Variants in ZNF554 observed in about 807,000 individuals in gnomAD.
The protein encoded by ZNF554 is zinc finger protein 554.
In ZNF554, 15 loss-of-function variants were observed where a neutral mutation model predicts 21.2. That is an observed-to-expected ratio of 0.71 (90% CI 0.47 to 1.09). The LOEUF is 1.09. Ranked by LOEUF, ZNF554 falls within the 50% of genes least tolerant of loss-of-function variation. The pLI, the probability that ZNF554 is intolerant of heterozygous loss-of-function variation, is 0.00. For missense variants in ZNF554, 691 were observed against 662.7 expected, an observed-to-expected ratio of 1.04 and a Z score of -0.47; for synonymous variants, 258 against 251.4, an observed-to-expected ratio of 1.03 and a Z score of -0.25.
chr19:2,825,333 C>T (rs1455760503), intron 2 of ZNF554, among the ~76,000 whole-genome samples: 3 of 151,968 alleles, frequency 2.0e-5, no homozygotes, highest in Non-Finnish European at 4.4e-5. Flanking sequence ...TTATTTAAGA[C>T]AGAGTTTCGC....
Position 2,834,028 on chromosome 19 carries a change from C to G in ZNF554, c.793C>G (p.Leu265Val). The G allele has an allele frequency of 6.2e-7, 1 of 1,614,124 alleles. No individual in the cohort carries two copies. The highest frequency in any genetic ancestry group is 8.5e-7 in the Non-Finnish European group (1 of 1,180,036). Reference protein sequence around the residue: ...ASDSVLNHHQLGYADRRPCES... With the variant: ...ASDSVLNHHQVGYADRRPCES... ...CGATTCAGTCTTAAACCACCATCAGCTGGGATATGCAGATCGGAGACCTTG... is the reference window on the plus strand; with the variant it reads ...CGATTCAGTCTTAAACCACCATCAGGTGGGATATGCAGATCGGAGACCTTG... Residue 265 changes from leucine (L) to valine (V), a missense_variant, in exon 5 of 5, where the codon CTG becomes GTG. Coordinates refer to ENST00000317243, the MANE Select transcript of ZNF554 (RefSeq NM_001102651.2).
chr19:2,820,488 G>A (rs961684272), intron 1 of ZNF554, among the ~76,000 whole-genome samples: 6 of 152,290 alleles, frequency 3.9e-5, no homozygotes, highest in African/African-American at 1.4e-4. Flanking sequence ...AGGGGACACC[G>A]GGCGATGTCT....
At chr19:2,829,342 G>C (rs1478994819) in intron 3 of ZNF554, among the ~76,000 whole-genome samples, 1 of 143,774 alleles carries the variant, frequency 7.0e-6, no homozygotes, top group Admixed American at 6.9e-5. Flanking sequence ...CTGGGCGACA[G>C]AGCGAGACTC....
At chr19:2,825,359 G>A (rs2087318075) in intron 2 of ZNF554, among the ~76,000 whole-genome samples, 3 of 152,046 alleles carry the variant, frequency 2.0e-5, no homozygotes, top group Non-Finnish European at 4.4e-5. Context: ...TGCCCAAGCT[G>A]AAGTGCAGTG....
intron 3 of ZNF554, among the ~76,000 whole-genome samples, chr19:2,829,420 G>C (rs573768935): frequency 6.6e-6 from 1 of 151,674 alleles, no homozygotes. Flanking sequence ...AGGCCAAGGC[G>C]GGGTAGATCA....
At position 2,820,289 on chromosome 19, in the gene ZNF554, G is replaced by GT. The variant is rs566469659; in HGVS notation, c.53+165_53+166insT. 2.7e-3 allele frequency among the ~76,000 whole-genome samples: 409 copies of GT among 152,350 alleles called. 2 individuals carry two copies. The highest frequency in any genetic ancestry group is 9.7e-3 in the South Asian group (47 of 4,832). On this transcript the variant is annotated intron_variant, in intron 1 of 4. Coordinates refer to ENST00000317243, the MANE Select transcript of ZNF554 (RefSeq NM_001102651.2). ...GCTCGCCCAGGGCCCCAACGCCCAGGATGGCACGGTCTGCCCTTGCCCTGT... is the reference window on the plus strand; with the variant it reads ...GCTCGCCCAGGGCCCCAACGCCCAGGTATGGCACGGTCTGCCCTTGCCCTGT...
rs1050311429 is a variant in ZNF554, at chr19:2,835,695, T to G, written c.*843T>G. 1 of 152,268 alleles carries G rather than the reference T, an allele frequency of 6.6e-6. No homozygotes were observed. The highest frequency in any genetic ancestry group is 1.5e-5 in the Non-Finnish European group (1 of 68,056). 9.4% of individuals were successfully genotyped at this position (152,268 alleles called of 1,614,324 possible). The stretch of plus-strand genomic sequence containing the variant: ...GGAAAAGATTGGTGGACGGGAATGC[T>G]GTCATGGATGGGATCTTGCCAAGAA... On this transcript the variant is annotated 3_prime_UTR_variant, in exon 5 of 5. Coordinates refer to ENST00000317243, the MANE Select transcript of ZNF554 (RefSeq NM_001102651.2).
chr19:2,822,720 TACAAAAA>T (rs2087279358), intron 1 of ZNF554, among the ~76,000 whole-genome samples: 1 of 151,814 alleles, frequency 6.6e-6, no homozygotes, highest in South Asian at 2.1e-4. Context: ...CTACAGAAAA[TACAAAAA>T]ATTAGCCGGA....
chr19:2,820,682 TCC>T, intron 1 of ZNF554, among the ~76,000 whole-genome samples: 2 of 138,562 alleles, frequency 1.4e-5, no homozygotes, highest in African/African-American at 5.9e-5. Context: ...ACAGCAAGGG[TCC>T]TTTTTTTTTT....
At chr19:2,832,762 C>T (rs979824713) in intron 4 of ZNF554, among the ~76,000 whole-genome samples, 1 of 152,170 alleles carries the variant, frequency 6.6e-6, no homozygotes, top group Non-Finnish European at 1.5e-5. Context: ...GGCTGGAGTG[C>T]AGTGGCATGG....
Position 2,834,956 on chromosome 19 carries a change from G to A in ZNF554, c.*104G>A. 1 of 1,067,810 alleles carries A rather than the reference G, an allele frequency of 9.4e-7. No individual in the cohort carries two copies. 66.1% of individuals were successfully genotyped at this position (1,067,810 alleles called of 1,614,324 possible). A position where few individuals can be genotyped will look rare whatever the true frequency, so the allele number is the denominator to read the frequency against. The stretch of plus-strand genomic sequence containing the variant: ...ATAATTTGAAAAGAAGTGGGTTTAT[G>A]TCACCTTCTCACCTTCTTATAAGAA... On this transcript the variant is annotated 3_prime_UTR_variant, in exon 5 of 5. Transcript: ENST00000317243.
At position 2,832,611 on chromosome 19, in the gene ZNF554, G is replaced by A. The variant is rs139095406; in HGVS notation, c.445+117G>A. ...AGGAGAATGCCAAGATCCCTTTCTC[G>A]GACACCTTCAGTTCATTTTCTGGCA... On this transcript the variant is annotated intron_variant, in intron 4 of 4. Transcript: ENST00000317243. 2.0e-3 allele frequency: 2,090 copies of A among 1,041,390 alleles called. 3 individuals carry two copies. Among genetic ancestry groups the A allele is most frequent in the Non-Finnish European group, 2.3e-3 (1,695 of 734,520 alleles). The allele number at this position is 1,041,390 out of a possible 1,614,324, so 64.5% of individuals were successfully genotyped here.
intron 1 of ZNF554, among the ~76,000 whole-genome samples, chr19:2,820,476 C>G (rs1258284626): frequency 1.3e-5 from 2 of 152,122 alleles, no homozygotes; most frequent in Non-Finnish European, 2.9e-5. Context: ...GTCCTGCCCT[C>G]CAGGGGACAC....
At chr19:2,820,684 CTTTT>C (rs762586098) in intron 1 of ZNF554, among the ~76,000 whole-genome samples, 1 of 103,184 alleles carries the variant, frequency 9.7e-6, no homozygotes. Context: ...AGCAAGGGTC[CTTTT>C]TTTTTTTTTT....
At chr19:2,820,541 T>A (rs1235115531) in intron 1 of ZNF554, among the ~76,000 whole-genome samples, 2 of 152,050 alleles carry the variant, frequency 1.3e-5, no homozygotes, top group Non-Finnish European at 2.9e-5. Flanking sequence ...GTTCCTGGCA[T>A]GGAGTAGGTG....
At chr19:2,827,534 C>G in intron 2 of ZNF554, 83 bp from the exon 3 acceptor site, 1 of 1,529,262 alleles carries the variant, frequency 6.5e-7, no homozygotes, top group Non-Finnish European at 8.8e-7. Context: ...CTCAACTTCC[C>G]TGGTGCCACC....
rs760087872 is a variant in ZNF554, at chr19:2,833,781, A to G, written c.546A>G (p.Glu182=). ...TAAATATGATAAAGCTTATCAGAGA[A>G]GATGGGGGATGGAAGCAGTTAGAGG... ...SGINMIKLIR[E]DGGWKQLEDS... is the part of the protein sequence containing the mutation. The change falls in exon 5 of 5, where the codon GAA becomes GAG. Residue 182 remains glutamate, a synonymous_variant. Transcript: ENST00000317243. 1 of 1,608,666 alleles carries G rather than the reference A, an allele frequency of 6.2e-7. No homozygotes were observed. The highest frequency in any genetic ancestry group is 8.5e-7 in the Non-Finnish European group (1 of 1,178,036).
At chr19:2,820,725 C>T (rs1325178543) in intron 1 of ZNF554, among the ~76,000 whole-genome samples, 1 of 118,336 alleles carries the variant, frequency 8.5e-6, no homozygotes, top group Non-Finnish European at 1.8e-5. Flanking sequence ...AGTGCAATGG[C>T]ATGATCTCGG....
chr19:2,830,917 C>T (rs1352735818), intron 3 of ZNF554: 1 of 152,352 alleles, frequency 6.6e-6, no homozygotes, highest in Non-Finnish European at 1.5e-5. Flanking sequence ...GCATGCGCCA[C>T]CACACCCGGC....
Sources: gnomAD v4.1 joint callset for allele counts (sites outside exome capture counted in the v4.1 genomes callset) on GRCh38, gnomAD v4.1.1 for gene constraint, MANE v1.5 for transcripts, NCBI Gene and HGNC (gene_info 2026-07-23, HGNC 2026-07-21) for gene names.